Variants in C3orf20 observed in about 807,000 individuals in gnomAD.
C3orf20 encodes the protein family with sequence similarity 149 member C.
A neutral mutation model predicts 88.3 loss-of-function variants in C3orf20; 76 were observed. The observed-to-expected ratio is 0.86, with a 90% CI of 0.72 to 1.04. The LOEUF (loss-of-function observed/expected upper bound fraction) is 1.04. C3orf20 is among the 50% of genes least tolerant of loss of function. C3orf20 has a pLI of 0.00. For missense variants in C3orf20, 1,056 were observed against 1,123.3 expected (o/e 0.94, Z 0.86); for synonymous variants, 436 against 437.4 (o/e 1.00, Z 0.04).
chr3:14,706,277 C>A (rs762653563), intron 7 of C3orf20, among the ~76,000 whole-genome samples: 1 of 152,078 alleles, frequency 6.6e-6, no homozygotes, highest in Non-Finnish European at 1.5e-5. Context: ...GCGCATCCCT[C>A]CAGTATTTAA....
At position 14,731,394 on chromosome 3, in the gene C3orf20, A is replaced by G. The variant is rs566463496; in HGVS notation, c.1940+2706A>G. On this transcript the variant is annotated intron_variant, in intron 12 of 16. Transcript: ENST00000253697. The stretch of plus-strand genomic sequence containing the variant: ...TCACCCCCACATTCAGAGATTAACT[A>G]GGACCCATGAGACTCATTATATAGT... Among the ~76,000 whole-genome samples the G allele has an allele frequency of 5.3e-5, 8 of 152,314 alleles. No homozygotes were observed. In the South Asian group the frequency reaches 1.7e-3, roughly 32 times the overall value.
chr3:14,762,097 G>T (rs1029896956), intron 15 of C3orf20, among the ~76,000 whole-genome samples: 2 of 152,124 alleles, frequency 1.3e-5, no homozygotes, highest in East Asian at 3.9e-4. Context: ...TTTGAGACAG[G>T]GTATCACTCT....
In C3orf20 at chr3:14,683,134, T is replaced by C; in HGVS notation, c.421T>C (p.Ser141Pro). The C allele has an allele frequency of 6.2e-7, 1 of 1,613,732 alleles. No individual in the cohort carries two copies. Among genetic ancestry groups the C allele is most frequent in the South Asian group, 1.1e-5 (1 of 91,014 alleles). The change falls in exon 3 of 17, where the codon TCC (serine) becomes CCC (proline). Residue 141 changes from serine to proline, a missense_variant. Transcript: ENST00000253697. ...QETLNRFQQQSIHLLTELLRL... is the reference protein window; with the variant it reads ...QETLNRFQQQPIHLLTELLRL... ...GACCCTGAACAGGTTTCAGCAGCAG[T>C]CCATCCACCTGCTGACGGAGCTCCT...
intron 12 of C3orf20, among the ~76,000 whole-genome samples, chr3:14,752,009 A>C (rs985514351): frequency 6.6e-6 from 1 of 152,232 alleles, no homozygotes; most frequent in African/African-American, 2.4e-5. Context: ...ACCAAAAAAG[A>C]GCCCACATAG....
chr3:14,750,322 G>A (rs2125021069), intron 12 of C3orf20, among the ~76,000 whole-genome samples: 1 of 152,312 alleles, frequency 6.6e-6, no homozygotes, highest in Middle Eastern at 3.4e-3. Flanking sequence ...GGCGTAGGCA[G>A]GCAGATCTCT....
intron 7 of C3orf20, among the ~76,000 whole-genome samples, chr3:14,709,415 G>T (rs939490532): frequency 1.3e-5 from 2 of 152,122 alleles, no homozygotes; most frequent in Non-Finnish European, 2.9e-5. Flanking sequence ...GAATAGAAGT[G>T]GTGAAAGCAG....
intron 11 of C3orf20, 92 bp downstream of exon 11, chr3:14,727,116 T>G: frequency 7.3e-7 from 1 of 1,375,650 alleles, no homozygotes; most frequent in Admixed American, 1.8e-5. Context: ...GACCTTTACT[T>G]TACCGCCCAT....
intron 12 of C3orf20, among the ~76,000 whole-genome samples, chr3:14,739,004 T>A (rs1329078561): frequency 1.3e-5 from 2 of 151,550 alleles, no homozygotes; most frequent in South Asian, 2.1e-4. Flanking sequence ...TTGGTCAGGC[T>A]AGTCTCAAAC....
rs762470148 is a variant in C3orf20 at position 14,682,744 on chromosome 3, T to C, written c.31T>C (p.Tyr11His). ...TTACATCAAGAGTAACCTAGAATTA[T>C]ATCAGCAATACACAGCCATGGCCCC... is the stretch of plus-strand genomic sequence containing the variant. The part of the protein sequence containing the change: MSYIKSNLEL[Y>H]QQYTAMAPKL... Residue 11 changes from tyrosine to histidine, a missense_variant, in exon 3 of 17, where the codon TAT becomes CAT. Coordinates refer to ENST00000253697, the MANE Select transcript of C3orf20 (RefSeq NM_032137.5). 1.2e-6 allele frequency: 2 copies of C among 1,613,312 alleles called. No homozygotes were observed. Among genetic ancestry groups the C allele is most frequent in the East Asian group, 2.2e-5 (1 of 44,884 alleles).
intron 12 of C3orf20, among the ~76,000 whole-genome samples, chr3:14,745,047 T>C (rs2035020739): frequency 6.6e-6 from 1 of 152,232 alleles, no homozygotes; most frequent in Admixed American, 6.5e-5. Context: ...CATGTGTTAA[T>C]GTTTCCAGAT....
At chr3:14,769,347 G>A (rs1687282) in intron 15 of C3orf20, among the ~76,000 whole-genome samples, 102,311 of 151,760 alleles carry the variant, frequency 0.67, 35,131 homozygotes, top group African/African-American at 0.79. Context: ...TCAGTGCACC[G>A]CAGGAACCTG....
At chr3:14,678,915 A>C (rs1279472341) in intron 1 of C3orf20, among the ~76,000 whole-genome samples, 1 of 152,190 alleles carries the variant, frequency 6.6e-6, no homozygotes, top group Non-Finnish European at 1.5e-5. Flanking sequence ...CTTTGGAATG[A>C]CATACAAGGC....
chr3:14,711,627 CTTTTTTTT>C (rs35966332), intron 7 of C3orf20, among the ~76,000 whole-genome samples: 29 of 72,624 alleles, frequency 4.0e-4, no homozygotes, highest in Non-Finnish European at 6.5e-4. Flanking sequence ...ATCCTGCCAG[CTTTTTTTT>C]TTTTTTTTTT....
chr3:14,702,668 T>C (rs1375273040), intron 5 of C3orf20, among the ~76,000 whole-genome samples: 1 of 152,164 alleles, frequency 6.6e-6, no homozygotes, highest in Non-Finnish European at 1.5e-5. Flanking sequence ...CTCGAACTCC[T>C]GACCTCAGGT....
chr3:14,759,114 G>T (rs2035480410), intron 13 of C3orf20, among the ~76,000 whole-genome samples: 1 of 152,228 alleles, frequency 6.6e-6, no homozygotes, highest in Non-Finnish European at 1.5e-5. Flanking sequence ...GTTCATAAAG[G>T]AGTGGGCAGC....
rs750903137 is a variant in C3orf20, at chr3:14,726,856, T to C, written c.1567-45T>C. On this transcript the variant is annotated intron_variant, in intron 10 of 16. Coordinates refer to ENST00000253697, the MANE Select transcript of C3orf20 (RefSeq NM_032137.5). ...TTATCCTGGACTAGGCAGCTGGCTC[T>C]TTGAGGGGATGGTGACACCCGCCCT... 4 of 1,612,486 alleles carry C rather than the reference T, an allele frequency of 2.5e-6. No homozygotes were observed. In the South Asian group the frequency reaches 4.4e-5, roughly 18 times the overall value.
rs59861747 is a variant in C3orf20, at chr3:14,766,402, C to T, written c.2495+4787C>T. Among the ~76,000 whole-genome samples, 73 of 152,298 alleles carry T rather than the reference C, an allele frequency of 4.8e-4. No individual in the cohort carries two copies. In the East Asian group the frequency reaches 0.012, roughly 25 times the overall value. Reference sequence around the variant, plus strand: ...GAGGGAGCTCTGACACCTGGTAGGGCTCAGGAGGCTGGAGCTGCCAGGAAA... The same window carrying T: ...GAGGGAGCTCTGACACCTGGTAGGGTTCAGGAGGCTGGAGCTGCCAGGAAA... On this transcript the variant is annotated intron_variant, in intron 15 of 16. Coordinates refer to ENST00000253697, the MANE Select transcript of C3orf20 (RefSeq NM_032137.5).
chr3:14,676,834 A>G (rs2031798201), intron 1 of C3orf20, among the ~76,000 whole-genome samples: 1 of 152,212 alleles, frequency 6.6e-6, no homozygotes, highest in Non-Finnish European at 1.5e-5. Flanking sequence ...TTGGCTTCTC[A>G]TGAAGTTAAG....
chr3:14,756,400 A>G (rs1171720450), intron 12 of C3orf20, among the ~76,000 whole-genome samples: 1 of 152,124 alleles, frequency 6.6e-6, no homozygotes, highest in African/African-American at 2.4e-5. Flanking sequence ...CTACTGTTTT[A>G]TTCCACTGAA....
Sources: gnomAD v4.1 joint callset for allele counts (sites outside exome capture counted in the v4.1 genomes callset) on GRCh38, gnomAD v4.1.1 for gene constraint, MANE v1.5 for transcripts, NCBI Gene and HGNC (gene_info 2026-07-23, HGNC 2026-07-21) for gene names.